SH3GL2: variants seen among roughly 807,000 people sequenced by gnomAD.
The protein encoded by SH3GL2 is SH3 domain containing GRB2 like 2, endophilin A1.
SH3GL2 carries 24 observed loss-of-function variants against 46.0 expected under a neutral mutation model. The ratio of observed to expected loss-of-function variants is 0.52; its 90% CI spans 0.38 to 0.73. The LOEUF (loss-of-function observed/expected upper bound fraction) is 0.73, where lower values mean the gene tolerates loss of function less well. Ranked by LOEUF, SH3GL2 falls within the 30% of genes least tolerant of loss-of-function variation. SH3GL2 has a pLI of 0.00. For synonymous variants in SH3GL2, 196 were observed against 147.1 expected (o/e 1.33, Z -2.40); for missense variants, 413 against 424.2 (o/e 0.97, Z 0.23).
intron 2 of SH3GL2, among the ~76,000 whole-genome samples, chr9:17,757,377 A>G (rs1410425418): frequency 6.6e-6 from 1 of 152,236 alleles, no homozygotes; most frequent in African/African-American, 2.4e-5. Flanking sequence ...CAGGCAACCT[A>G]CAGAATGGGA....
rs1424897265 is a variant in SH3GL2 at position 17,788,149 on chromosome 9, G to A, written c.465+636G>A. ...TGTTGAGCTTTTTTGAAACTTTGTTGGGTGTAAAATGGATTGCCATAACTT... is the reference window on the plus strand; with the variant it reads ...TGTTGAGCTTTTTTGAAACTTTGTTAGGTGTAAAATGGATTGCCATAACTT... On this transcript the variant is annotated intron_variant, in intron 5 of 8. Coordinates refer to ENST00000380607, the MANE Select transcript of SH3GL2 (RefSeq NM_003026.5). Among the ~76,000 whole-genome samples, 3 of 152,028 alleles carry A rather than the reference G, an allele frequency of 2.0e-5. 1 individual carries two copies. Among genetic ancestry groups the A allele is most frequent in the Non-Finnish European group, 1.5e-5 (1 of 67,990 alleles).
intron 1 of SH3GL2, among the ~76,000 whole-genome samples, chr9:17,620,730 G>A (rs1819119159): frequency 6.6e-6 from 1 of 152,186 alleles, no homozygotes; most frequent in Non-Finnish European, 1.5e-5. Context: ...AATGTGGAGG[G>A]AGAGGGAGAA....
chr9:17,741,044 T>A (rs1198635323), intron 1 of SH3GL2, among the ~76,000 whole-genome samples: 1 of 152,144 alleles, frequency 6.6e-6, no homozygotes, highest in African/African-American at 2.4e-5. Context: ...GTCAACGGTA[T>A]TCTTTGTACA....
intron 1 of SH3GL2, among the ~76,000 whole-genome samples, chr9:17,665,485 A>G (rs903120347): frequency 6.6e-6 from 1 of 152,128 alleles, no homozygotes; most frequent in South Asian, 2.1e-4. Flanking sequence ...CTGTTTCTTC[A>G]TAATAGTATT....
intron 1 of SH3GL2, among the ~76,000 whole-genome samples, chr9:17,701,583 A>C (rs1405443764): frequency 6.6e-6 from 1 of 152,182 alleles, no homozygotes; most frequent in Non-Finnish European, 1.5e-5. Context: ...AGCAATTGAA[A>C]CAACATGACG....
At chr9:17,701,414 G>T (rs937093273) in intron 1 of SH3GL2, among the ~76,000 whole-genome samples, 1 of 152,122 alleles carries the variant, frequency 6.6e-6, no homozygotes, top group Admixed American at 6.5e-5. Flanking sequence ...CAGGTAGTGG[G>T]TGAGGGTAGG....
At chr9:17,795,486 G>C (rs1824248038) in intron 8 of SH3GL2, 58 bp from the exon 9 acceptor site, 6 of 1,398,146 alleles carry the variant, frequency 4.3e-6, no homozygotes, top group Middle Eastern at 2.0e-4. Context: ...CAGATTCTGT[G>C]AGTTAAATAC....
chr9:17,754,026 C>T (rs1312750280), intron 2 of SH3GL2, among the ~76,000 whole-genome samples: 3 of 152,122 alleles, frequency 2.0e-5, no homozygotes, highest in Non-Finnish European at 4.4e-5. Context: ...CTATTCTATT[C>T]TGTTGGTTTA....
At chr9:17,748,915 C>A (rs559521941) in intron 2 of SH3GL2, among the ~76,000 whole-genome samples, 1 of 152,030 alleles carries the variant, frequency 6.6e-6, no homozygotes, top group Non-Finnish European at 1.5e-5. Context: ...CAAGAGGGAA[C>A]GGTTGAGTTC....
intron 1 of SH3GL2, among the ~76,000 whole-genome samples, chr9:17,662,435 A>G (rs1820244933): frequency 6.6e-6 from 1 of 152,140 alleles, no homozygotes; most frequent in South Asian, 2.1e-4. Context: ...AGAGTCTGTC[A>G]TCATTAGCTT....
Position 17,796,111 on chromosome 9 carries a change from C to G in SH3GL2, c.*368C>G, listed in dbSNP as rs1824269233. On this transcript the variant is annotated 3_prime_UTR_variant, in exon 9 of 9. Coordinates refer to ENST00000380607, the MANE Select transcript of SH3GL2 (RefSeq NM_003026.5). ...ATCACCCCAGGGGCCATCTGAAGGT[C>G]TCTTTGCATTTCTCCATGCAAAGAG... is the stretch of plus-strand genomic sequence containing the variant. 5.3e-6 allele frequency: 1 copy of G among 187,754 alleles called. No homozygotes were observed. The highest frequency in any genetic ancestry group is 1.1e-5 in the Non-Finnish European group (1 of 90,792). The allele number at this position is 187,754 out of a possible 1,614,324, so 11.6% of individuals were successfully genotyped here.
intron 1 of SH3GL2, among the ~76,000 whole-genome samples, chr9:17,702,730 T>G (rs1382886331): frequency 6.6e-6 from 1 of 152,114 alleles, no homozygotes; most frequent in Admixed American, 6.6e-5. Context: ...TTTTAAGGCA[T>G]AGGAAAAATG....
intron 1 of SH3GL2, chr9:17,590,934 A>G (rs931366358): frequency 1.3e-5 from 2 of 151,846 alleles, no homozygotes; most frequent in African/African-American, 4.8e-5. Flanking sequence ...ATTTTTTTGT[A>G]TTTTTGGTAG....
chr9:17,681,351 T>A (rs1444302616), intron 1 of SH3GL2, among the ~76,000 whole-genome samples: 1 of 152,192 alleles, frequency 6.6e-6, no homozygotes, highest in East Asian at 1.9e-4. Context: ...TGTTCTCTTT[T>A]TCTTTGTTGT....
At chr9:17,621,062 G>A (rs918918252) in intron 1 of SH3GL2, among the ~76,000 whole-genome samples, 10 of 152,116 alleles carry the variant, frequency 6.6e-5, no homozygotes, top group African/African-American at 1.4e-4. Flanking sequence ...TGTGGTTTTC[G>A]TGTATGAAAA....
intron 1 of SH3GL2, among the ~76,000 whole-genome samples, chr9:17,633,149 T>C (rs1447928858): frequency 1.3e-5 from 2 of 152,188 alleles, no homozygotes; most frequent in Non-Finnish European, 2.9e-5. Context: ...GTTTCTCAAG[T>C]GAGTGTGCCC....
chr9:17,634,999 A>C (rs1819510237), intron 1 of SH3GL2, among the ~76,000 whole-genome samples: 2 of 152,150 alleles, frequency 1.3e-5, no homozygotes, highest in African/African-American at 4.8e-5. Context: ...TTTAAAGTTC[A>C]AGGATACGTG....
In SH3GL2 at chr9:17,615,658, CAAAAAAAAAAAAAAAA is replaced by C. The variant is rs55926751; in HGVS notation, c.45+36382_45+36397del. ...TGACCGACAGAGCGAGACTCCGTCT[CAAAAAAAAAAAAAAAA>C]AAAAAAAAAATTCCCCTCGTTAATA... On this transcript the variant is annotated intron_variant, in intron 1 of 8. Transcript: ENST00000380607. 6.0e-5 allele frequency among the ~76,000 whole-genome samples: 5 copies of C among 82,646 alleles called. No individual in the cohort carries two copies. The Admixed American group carries it at 7.0e-4, about 12-fold the overall frequency. The allele number at this position is 82,646 out of a possible 152,430, so 54.2% of individuals were successfully genotyped here.
intron 3 of SH3GL2, among the ~76,000 whole-genome samples, chr9:17,781,751 C>T (rs1823815842): frequency 6.6e-6 from 1 of 152,114 alleles, no homozygotes; most frequent in South Asian, 2.1e-4. Flanking sequence ...TACTCAGATT[C>T]TCCAGGTACC....
Sources: gnomAD v4.1 joint callset for allele counts (sites outside exome capture counted in the v4.1 genomes callset) on GRCh38, gnomAD v4.1.1 for gene constraint, MANE v1.5 for transcripts, NCBI Gene and HGNC (gene_info 2026-07-23, HGNC 2026-07-21) for gene names.